The following ATP8A2 variants were observed in gnomAD, a reference collection of about 807,000 sequenced individuals.
ATP8A2 encodes the protein ATPase phospholipid transporting 8A2.
In ATP8A2, 100 loss-of-function variants were observed where a neutral mutation model predicts 165.6. That is an observed-to-expected ratio of 0.60 (90% CI 0.51 to 0.71). The LOEUF (loss-of-function observed/expected upper bound fraction) is 0.71. Ranked by LOEUF, ATP8A2 falls within the 30% of genes least tolerant of loss-of-function variation. The pLI is 0.00. For missense variants in ATP8A2, 1,227 were observed against 1,479.5 expected, an observed-to-expected ratio of 0.83 and a Z score of 2.80; for synonymous variants, 543 against 548.8, an observed-to-expected ratio of 0.99 and a Z score of 0.15.
At chr13:25,783,616 G>GA (rs2138366350) in intron 27 of ATP8A2, among the ~76,000 whole-genome samples, 2 of 152,274 alleles carry the variant, frequency 1.3e-5, no homozygotes, top group South Asian at 4.1e-4. Flanking sequence ...TAGGGTAAGG[G>GA]CCTCAGGATC....
At chr13:25,616,805 A>G (rs1178031571) in intron 24 of ATP8A2, among the ~76,000 whole-genome samples, 2 of 152,156 alleles carry the variant, frequency 1.3e-5, no homozygotes, top group East Asian at 1.9e-4. Context: ...TATTAGCCAG[A>G]TCTCATAGGC....
chr13:25,407,077 C>A (rs73168565), intron 1 of ATP8A2, among the ~76,000 whole-genome samples: 135 of 152,304 alleles, frequency 8.9e-4, no homozygotes, highest in Admixed American at 1.5e-3. Context: ...GAATTAAGAA[C>A]CGCAGAAGAG....
chr13:25,481,144 T>G, intron 2 of ATP8A2, among the ~76,000 whole-genome samples: 5 of 55,738 alleles, frequency 9.0e-5, no homozygotes, highest in African/African-American at 1.3e-4. Context: ...AGGGAGACCG[T>G]GGAAAGAGAG....
intron 24 of ATP8A2, among the ~76,000 whole-genome samples, chr13:25,623,530 G>A (rs2041026161): frequency 6.6e-6 from 1 of 152,080 alleles, no homozygotes; most frequent in Admixed American, 6.6e-5. Context: ...GATTTGAAAG[G>A]TAAATAGAAA....
At chr13:25,723,201 A>G (rs1349840616) in intron 25 of ATP8A2, among the ~76,000 whole-genome samples, 1 of 152,216 alleles carries the variant, frequency 6.6e-6, no homozygotes, top group Admixed American at 6.5e-5. Flanking sequence ...AGAATTGCTT[A>G]GTAGTGGGGA....
At position 25,769,124 on chromosome 13, in the gene ATP8A2, C is replaced by G; in HGVS notation, c.2463C>G (p.Asp821Glu). ...AGGCCATCACCCTCGCCATCGGAGA[C>G]GGCGCCAACGATGTCGGGATGATCC... is the stretch of plus-strand genomic sequence containing the variant. Reference protein sequence around the residue: ...RVKAITLAIGDGANDVGMIQT... With the variant: ...RVKAITLAIGEGANDVGMIQT... The change falls in exon 26 of 37, where the codon GAC becomes GAG. Residue 821 changes from aspartate (D) to glutamate (E), a missense_variant. Asp to Glu is a conservative substitution (Grantham distance 45). Coordinates refer to ENST00000381655, the MANE Select transcript of ATP8A2 (RefSeq NM_016529.6). 6.2e-7 allele frequency: 1 copy of G among 1,614,074 alleles called. No homozygotes were observed. Among genetic ancestry groups the G allele is most frequent in the East Asian group, 2.2e-5 (1 of 44,868 alleles).
chr13:25,765,161 A>G (rs1482525678), intron 25 of ATP8A2, among the ~76,000 whole-genome samples: 2 of 152,240 alleles, frequency 1.3e-5, no homozygotes, highest in African/African-American at 2.4e-5. Context: ...GTCTCAAAAG[A>G]AAAACTTATT....
At chr13:25,899,490 T>C (rs778378630) in intron 33 of ATP8A2, among the ~76,000 whole-genome samples, 8 of 152,186 alleles carry the variant, frequency 5.3e-5, no homozygotes, top group Non-Finnish European at 2.9e-5. Flanking sequence ...AGAATTACAA[T>C]AGCAAGTGAC....
intron 24 of ATP8A2, among the ~76,000 whole-genome samples, chr13:25,591,093 T>C (rs1368870584): frequency 6.6e-6 from 1 of 152,056 alleles, no homozygotes; most frequent in East Asian, 1.9e-4. Context: ...CTCACACGTC[T>C]TTATTTTTCT....
chr13:25,943,736 G>T (rs1955136412), intron 33 of ATP8A2, among the ~76,000 whole-genome samples: 1 of 152,220 alleles, frequency 6.6e-6, no homozygotes, highest in South Asian at 2.1e-4. Context: ...AATGGGACTT[G>T]TACTACTAAG....
chr13:25,430,634 G>A lies in ATP8A2; in HGVS notation c.77-38343G>A, dbSNP rs150059039. The stretch of plus-strand genomic sequence containing the variant: ...TTTTTGTTTTTTGAGACATAGTCTC[G>A]CTCTGTTGCCCAGACTGAAGTGGCG... On this transcript the variant is annotated intron_variant, in intron 1 of 36. Coordinates refer to ENST00000381655, the MANE Select transcript of ATP8A2 (RefSeq NM_016529.6). Among the ~76,000 whole-genome samples, 745 of 152,114 alleles carry A rather than the reference G, an allele frequency of 4.9e-3. 5 individuals are homozygous for A. The highest frequency in any genetic ancestry group is 0.017 in the African/African-American group (716 of 41,518).
At chr13:25,376,815 G>A (rs755576732) in intron 1 of ATP8A2, among the ~76,000 whole-genome samples, 4 of 152,204 alleles carry the variant, frequency 2.6e-5, no homozygotes, top group Non-Finnish European at 5.9e-5. Flanking sequence ...GGACCTCATA[G>A]TCATCACAGG....
chr13:25,582,411 C>T (rs1301602777), intron 23 of ATP8A2, among the ~76,000 whole-genome samples: 3 of 152,166 alleles, frequency 2.0e-5, no homozygotes, highest in Admixed American at 6.5e-5. Context: ...CAGAGCATCA[C>T]AGAGATGAAA....
At chr13:25,771,550 G>A (rs1169825621) in intron 26 of ATP8A2, among the ~76,000 whole-genome samples, 1 of 152,228 alleles carries the variant, frequency 6.6e-6, no homozygotes, top group Non-Finnish European at 1.5e-5. Flanking sequence ...ATAGGAATAG[G>A]ATGTGTTATC....
chr13:25,461,738 G>A (rs1476079795), intron 1 of ATP8A2, among the ~76,000 whole-genome samples: 1 of 152,146 alleles, frequency 6.6e-6, no homozygotes, highest in Non-Finnish European at 1.5e-5. Flanking sequence ...TAATCAGGTT[G>A]TGAATTGCAA....
chr13:25,819,278 G>C (rs935213623), intron 27 of ATP8A2, among the ~76,000 whole-genome samples: 7 of 152,254 alleles, frequency 4.6e-5, no homozygotes, highest in African/African-American at 1.7e-4. Flanking sequence ...GACTCAGTCA[G>C]CAATAGAAAA....
intron 28 of ATP8A2, among the ~76,000 whole-genome samples, chr13:25,828,954 C>G (rs545878586): frequency 6.6e-6 from 1 of 152,082 alleles, no homozygotes; most frequent in South Asian, 2.1e-4. Context: ...AACTCTGCTC[C>G]GTGGGAATTT....
chr13:25,483,415 A>AG (rs1413199482), intron 2 of ATP8A2, among the ~76,000 whole-genome samples: 3 of 152,190 alleles, frequency 2.0e-5, no homozygotes, highest in Non-Finnish European at 2.9e-5. Context: ...ATACACATGT[A>AG]GGGGGTGATC....
intron 35 of ATP8A2, among the ~76,000 whole-genome samples, chr13:25,995,813 G>A (rs1956489678): frequency 2.6e-5 from 4 of 152,122 alleles, no homozygotes; most frequent in Admixed American, 2.6e-4. Context: ...GCGTTTGGCA[G>A]TTCTTTAAAT....
Sources: gnomAD v4.1 joint callset for allele counts (sites outside exome capture counted in the v4.1 genomes callset) on GRCh38, gnomAD v4.1.1 for gene constraint, MANE v1.5 for transcripts, NCBI Gene and HGNC (gene_info 2026-07-23, HGNC 2026-07-21) for gene names.